Variants in CHN2 observed in about 807,000 individuals in gnomAD.
CHN2 encodes the protein chimerin 2, also known as beta-chimaerin.
CHN2 carries 35 observed loss-of-function variants against 56.3 expected under a neutral mutation model. That is an observed-to-expected ratio of 0.62 (90% CI 0.47 to 0.82). CHN2 has a LOEUF of 0.82. CHN2 is among the 40% of genes least tolerant of loss of function. The pLI is 0.00. For missense variants in CHN2, 491 were observed against 580.5 expected (o/e 0.85, Z 1.58); for synonymous variants, 210 against 212.8 (o/e 0.99, Z 0.12).
intron 1 of CHN2, among the ~76,000 whole-genome samples, chr7:29,347,744 T>A (rs1352159855): frequency 6.6e-6 from 1 of 152,156 alleles, no homozygotes; most frequent in Non-Finnish European, 1.5e-5. Context: ...TGTCCATCAA[T>A]TAGAAATTAT....
At chr7:29,247,075 G>T (rs200615772) in intron 1 of CHN2, among the ~76,000 whole-genome samples, 1 of 152,152 alleles carries the variant, frequency 6.6e-6, no homozygotes, top group Non-Finnish European at 1.5e-5. Context: ...GGGAGTGTCA[G>T]AGTATTTCAT....
intron 6 of CHN2, among the ~76,000 whole-genome samples, chr7:29,448,915 C>T (rs565348300): frequency 6.6e-6 from 1 of 152,332 alleles, no homozygotes; most frequent in East Asian, 1.9e-4. Context: ...GTCCTGGCAT[C>T]CAGTACAGGG....
chr7:29,347,811 A>T (rs1585122513), intron 1 of CHN2, among the ~76,000 whole-genome samples: 1 of 152,272 alleles, frequency 6.6e-6, no homozygotes, highest in Non-Finnish European at 1.5e-5. Context: ...TCCAAGCAAC[A>T]GTTATAAAAA....
chr7:29,480,274 C>G lies in CHN2; in HGVS notation c.577-5C>G. ...CCCCCTCTCAAACTCTTTGCCTGTT[C>G]ACAGATCTCCTCCCTGGTTCGAAGG... On this transcript the variant is annotated splice_polypyrimidine_tract_variant and splice_region_variant and intron_variant, in intron 6 of 12. Coordinates refer to ENST00000222792, the MANE Select transcript of CHN2 (RefSeq NM_004067.4). The G allele has an allele frequency of 6.2e-7, 1 of 1,614,198 alleles. No homozygotes were observed. Among genetic ancestry groups the G allele is most frequent in the Non-Finnish European group, 8.5e-7 (1 of 1,180,030 alleles).
chr7:29,512,973 T>G lies in CHN2; in HGVS notation c.*238T>G, dbSNP rs1435626902. On this transcript the variant is annotated 3_prime_UTR_variant, in exon 13 of 13. Transcript: ENST00000222792. The stretch of plus-strand genomic sequence containing the variant: ...GGTCTTTTGCTGTGCCTCCTATGTA[T>G]GTCTGGTTTGCTGGAAGAGTGATTA... 1.5e-5 allele frequency: 6 copies of G among 410,918 alleles called. No homozygotes were observed. In the East Asian group the frequency reaches 2.3e-4, roughly 16 times the overall value. 25.5% of individuals were successfully genotyped at this position (410,918 alleles called of 1,614,324 possible).
At chr7:29,256,554 T>G in intron 1 of CHN2, among the ~76,000 whole-genome samples, 1 of 152,204 alleles carries the variant, frequency 6.6e-6, no homozygotes, top group Middle Eastern at 3.2e-3. Flanking sequence ...CTGACCTCAT[T>G]ACAAAGAAGT....
At chr7:29,390,219 G>A (rs1562569101) in intron 3 of CHN2, among the ~76,000 whole-genome samples, 1 of 152,080 alleles carries the variant, frequency 6.6e-6, no homozygotes, top group Non-Finnish European at 1.5e-5. Context: ...TGAGCCAGCT[G>A]GATCATCTAA....
intron 1 of CHN2, among the ~76,000 whole-genome samples, chr7:29,350,600 C>T (rs1440234497): frequency 6.6e-6 from 1 of 152,112 alleles, no homozygotes; most frequent in Non-Finnish European, 1.5e-5. Flanking sequence ...AGCCCTGGAA[C>T]TTAATGACAG....
chr7:29,481,662 T>TTG (rs1363481634), intron 7 of CHN2, among the ~76,000 whole-genome samples: 2 of 151,654 alleles, frequency 1.3e-5, no homozygotes, highest in Admixed American at 6.6e-5. Context: ...CCTCCCGTTT[T>TTG]TTTTTTTTTT....
At chr7:29,512,325 G>A (rs1448471750) in intron 12 of CHN2, among the ~76,000 whole-genome samples, 2 of 152,096 alleles carry the variant, frequency 1.3e-5, no homozygotes, top group East Asian at 3.9e-4. Context: ...TTTAAAAATT[G>A]TGTTCCTGCC....
intron 6 of CHN2, among the ~76,000 whole-genome samples, chr7:29,447,242 A>G (rs999298670): frequency 1.1e-4 from 16 of 152,234 alleles, no homozygotes; most frequent in African/African-American, 3.6e-4. Context: ...TCAAAAAGTT[A>G]TGTTGAGACA....
At chr7:29,214,856 T>C (rs928075635) in intron 1 of CHN2, among the ~76,000 whole-genome samples, 3 of 152,186 alleles carry the variant, frequency 2.0e-5, no homozygotes, top group African/African-American at 4.8e-5. Flanking sequence ...CTCTCTTTCA[T>C]AAAACGTGAG....
intron 2 of CHN2, among the ~76,000 whole-genome samples, chr7:29,179,210 C>T (rs1295830058): frequency 6.6e-6 from 1 of 152,172 alleles, no homozygotes; most frequent in Non-Finnish European, 1.5e-5. Flanking sequence ...CTTGGGAGAA[C>T]CCTTCAGAAG....
Position 29,368,000 on chromosome 7 carries a change from C to T in CHN2, c.144+13C>T. 6.2e-7 allele frequency: 1 copy of T among 1,605,898 alleles called. No individual in the cohort carries two copies. The highest frequency in any genetic ancestry group is 1.3e-5 in the African/African-American group (1 of 74,742). On this transcript the variant is annotated intron_variant, in intron 3 of 12. Transcript: ENST00000222792. Reference sequence around the variant, plus strand: ...TTGTCCTCGGGAGGTCAGTGCTCAGCTATTTCCAATACACCTTGTTAAATA... The same window carrying T: ...TTGTCCTCGGGAGGTCAGTGCTCAGTTATTTCCAATACACCTTGTTAAATA...
At chr7:29,322,956 C>G (rs1255422038) in intron 1 of CHN2, among the ~76,000 whole-genome samples, 1 of 152,110 alleles carries the variant, frequency 6.6e-6, no homozygotes, top group Non-Finnish European at 1.5e-5. Context: ...GAGATCGAGA[C>G]CATCCTGGCC....
intron 1 of CHN2, chr7:29,213,181 A>C (rs558222307): frequency 7.2e-7 from 1 of 1,380,234 alleles, no homozygotes; most frequent in East Asian, 2.3e-5. Context: ...TTATTCCTAA[A>C]CTACTCCACG....
chr7:29,406,391 G>C (rs536818682), intron 6 of CHN2, among the ~76,000 whole-genome samples: 45 of 152,230 alleles, frequency 3.0e-4, no homozygotes, highest in African/African-American at 6.7e-4. Flanking sequence ...ATCACCTCCT[G>C]TCCCCTCTTG....
chr7:29,323,448 G>C (rs1054413375), intron 1 of CHN2, among the ~76,000 whole-genome samples: 2 of 152,124 alleles, frequency 1.3e-5, no homozygotes, highest in African/African-American at 4.8e-5. Flanking sequence ...TAAGATTACA[G>C]AGTTTTTGGT....
chr7:29,498,488 C>G (rs1789542906), intron 8 of CHN2, among the ~76,000 whole-genome samples: 2 of 152,086 alleles, frequency 1.3e-5, no homozygotes, highest in South Asian at 4.1e-4. Context: ...AGACAGAGAA[C>G]TCAGCCAATA....
Sources: gnomAD v4.1 joint callset for allele counts (sites outside exome capture counted in the v4.1 genomes callset) on GRCh38, gnomAD v4.1.1 for gene constraint, MANE v1.5 for transcripts, NCBI Gene and HGNC (gene_info 2026-07-23, HGNC 2026-07-21) for gene names.